Variants in MYO18B observed in about 807,000 individuals in gnomAD.
The protein encoded by MYO18B is unconventional myosin-XVIIIb.
Under a neutral mutation model 273.0 loss-of-function variants are expected in MYO18B, and 204 were observed. The ratio of observed to expected loss-of-function variants is 0.75; its 90% CI spans 0.67 to 0.84. The LOEUF (loss-of-function observed/expected upper bound fraction) is 0.84, where lower values mean the gene tolerates loss of function less well. Ranked by LOEUF, MYO18B falls within the 40% of genes least tolerant of loss-of-function variation. The pLI is 0.00. For missense variants in MYO18B, 3,212 were observed against 3,287.6 expected (o/e 0.98, Z 0.56); for synonymous variants, 1,330 against 1,305.7 (o/e 1.02, Z -0.40).
chr22:25,889,644 G>C (rs566468127), intron 25 of MYO18B, among the ~76,000 whole-genome samples: 1 of 150,064 alleles, frequency 6.7e-6, no homozygotes, highest in Non-Finnish European at 1.5e-5. Flanking sequence ...TTGTTTCTCT[G>C]CCTCTTAGCC....
At chr22:25,951,129 A>G (rs1175971553) in intron 37 of MYO18B, among the ~76,000 whole-genome samples, 4 of 152,148 alleles carry the variant, frequency 2.6e-5, no homozygotes, top group African/African-American at 9.7e-5. Flanking sequence ...TTAAGGGTGG[A>G]TCTGCCTTCC....
In MYO18B at chr22:25,770,175, T is replaced by C; in HGVS notation, c.1578T>C (p.Leu526=). ...TGGCTCAGAAGGATGGATTTACTCTTGGTAAGTAGGGGTGTTAGCACCTTT... is the reference window on the plus strand; with the variant it reads ...TGGCTCAGAAGGATGGATTTACTCTCGGTAAGTAGGGGTGTTAGCACCTTT... ...VWLAQKDGFT[L]ATVLKPDEGT... The change falls in exon 5 of 44, where the codon CTT becomes CTC. Residue 526 remains leucine (L), a splice_region_variant and synonymous_variant. Coordinates refer to ENST00000335473, the MANE Select transcript of MYO18B (RefSeq NM_032608.7). The C allele has an allele frequency of 6.2e-7, 1 of 1,613,936 alleles. No homozygotes were observed. Among genetic ancestry groups the C allele is most frequent in the Non-Finnish European group, 8.5e-7 (1 of 1,179,850 alleles).
At chr22:26,003,059 C>T (rs992568251) in intron 40 of MYO18B, among the ~76,000 whole-genome samples, 5 of 152,150 alleles carry the variant, frequency 3.3e-5, no homozygotes, top group African/African-American at 1.2e-4. Flanking sequence ...ATCTCACTTA[C>T]TCTGCTCCAC....
rs191576327 is a variant in MYO18B at position 25,847,024 on chromosome 22, G to T, written c.3553-406G>T. 3.1e-4 allele frequency among the ~76,000 whole-genome samples: 47 copies of T among 151,516 alleles called. No homozygotes were observed. The East Asian group carries it at 3.5e-3, about 11-fold the overall frequency. On this transcript the variant is annotated intron_variant, in intron 19 of 43. Transcript: ENST00000335473. ...GAACCTGGGAGGAGGAGGTTGCAGC[G>T]AGCTGAGATCGTGCCACTGCACTCC...
intron 21 of MYO18B, among the ~76,000 whole-genome samples, chr22:25,862,210 T>G (rs1261748690): frequency 6.6e-6 from 1 of 152,192 alleles, no homozygotes; most frequent in Admixed American, 6.5e-5. Context: ...CATCTGCAGA[T>G]TTTTGTATCC....
chr22:25,800,563 G>A (rs942279315), intron 12 of MYO18B, among the ~76,000 whole-genome samples: 1 of 152,234 alleles, frequency 6.6e-6, no homozygotes, highest in African/African-American at 2.4e-5. Flanking sequence ...GGTAGTATAA[G>A]GTGCATGAAG....
rs1279967674 is a variant in MYO18B, at chr22:25,843,878, C to T, written c.3352C>T (p.Leu1118=). The T allele has an allele frequency of 6.2e-7, 1 of 1,608,148 alleles. No homozygotes were observed. Among genetic ancestry groups the T allele is most frequent in the Admixed American group, 1.7e-5 (1 of 59,888 alleles). The change falls in exon 18 of 44, where the codon CTG becomes TTG. Residue 1118 remains leucine, a synonymous_variant. Coordinates refer to ENST00000335473, the MANE Select transcript of MYO18B (RefSeq NM_032608.7). ...NLSALDAPQV[L]HQSKREELRS... is the part of the protein sequence containing the mutation. ...CTCGGCCCTGGATGCACCCCAGGTCCTGCACCAGTCAAAAAGGTGAGTTGG... is the reference window on the plus strand; with the variant it reads ...CTCGGCCCTGGATGCACCCCAGGTCTTGCACCAGTCAAAAAGGTGAGTTGG...
At chr22:25,888,421 C>A (rs2091565261) in intron 25 of MYO18B, among the ~76,000 whole-genome samples, 1 of 152,120 alleles carries the variant, frequency 6.6e-6, no homozygotes. Flanking sequence ...ACCATCTCGG[C>A]TGGTTTATTT....
intron 42 of MYO18B, among the ~76,000 whole-genome samples, chr22:26,015,698 A>G (rs1000932698): frequency 3.3e-5 from 5 of 152,208 alleles, no homozygotes; most frequent in African/African-American, 1.2e-4. Flanking sequence ...ATAACTAGTG[A>G]GTACTAGACA....
chr22:26,003,411 T>A (rs1220695038), intron 41 of MYO18B, 102 bp downstream of exon 41: 2 of 1,005,126 alleles, frequency 2.0e-6, no homozygotes, highest in African/African-American at 3.2e-5. Flanking sequence ...TGGAGAATTA[T>A]CAGTGATGCC....
Position 25,763,350 on chromosome 22 carries a change from A to T in MYO18B, c.159A>T (p.Arg53Ser). Residue 53 changes from arginine (R) to serine (S), a missense_variant, in exon 3 of 44, where the codon AGA becomes AGT. By Grantham distance (110) the Arg-to-Ser change is moderately radical. Coordinates refer to ENST00000335473, the MANE Select transcript of MYO18B (RefSeq NM_032608.7). ...CTGAAAAAGAGGCCAAGGAAGCGAG[A>T]CAGAGGAAGCAGTTAGCTGTCGCCT... ...RGTEKEAKEA[R>S]QRKQLAVASP... 1 of 1,612,870 alleles carries T rather than the reference A, an allele frequency of 6.2e-7. No individual in the cohort carries two copies. The highest frequency in any genetic ancestry group is 8.5e-7 in the Non-Finnish European group (1 of 1,179,684).
intron 42 of MYO18B, among the ~76,000 whole-genome samples, chr22:26,008,049 C>T (rs772595615): frequency 3.3e-5 from 5 of 152,156 alleles, no homozygotes; most frequent in African/African-American, 4.8e-5. Context: ...TATATAATTA[C>T]ATGTAATGCT....
the MYO18B span, among the ~76,000 whole-genome samples, chr22:26,058,097 A>G: frequency 4.2e-3 from 636 of 152,354 alleles, 4 homozygotes; most frequent in African/African-American, 0.014. Flanking sequence ...AAGATGATGT[A>G]AAACAAGCAC....
chr22:25,742,747 G>T (rs2085664751), intron 1 of MYO18B, among the ~76,000 whole-genome samples: 1 of 152,204 alleles, frequency 6.6e-6, no homozygotes, highest in Non-Finnish European at 1.5e-5. Flanking sequence ...ACGCTGTTGA[G>T]TCGAAATGTT....
chr22:25,766,128 G>A (rs1405730640), intron 3 of MYO18B, among the ~76,000 whole-genome samples: 1 of 152,020 alleles, frequency 6.6e-6, no homozygotes, highest in Non-Finnish European at 1.5e-5. Flanking sequence ...GCCCTAGAGA[G>A]AAAAGGAAGG....
At chr22:25,964,895 A>C (rs967683802) in intron 39 of MYO18B, 1 of 152,246 alleles carries the variant, frequency 6.6e-6, no homozygotes, top group Non-Finnish European at 1.5e-5. Flanking sequence ...AAAGAGGCGG[A>C]AATTAGACTC....
Position 25,761,050 on chromosome 22 carries a change from T to G in MYO18B, c.-43T>G. On this transcript the variant is annotated 5_prime_UTR_variant, in exon 2 of 44. Transcript: ENST00000335473. ...CATTCCGTGCTGTCTGGCAGGAAGC[T>G]CCATCTCATCTCATCATCTCACGGC... 2.5e-6 allele frequency: 4 copies of G among 1,610,598 alleles called. No individual in the cohort carries two copies. The highest frequency in any genetic ancestry group is 3.4e-6 in the Non-Finnish European group (4 of 1,177,930).
chr22:25,944,620 C>A (rs111490532), intron 34 of MYO18B, among the ~76,000 whole-genome samples: 4 of 152,108 alleles, frequency 2.6e-5, no homozygotes, highest in Admixed American at 6.5e-5. Context: ...GAGGCCGAGG[C>A]GGGCAGATCA....
At chr22:26,033,659 C>T (rs1174105210), downstream of MYO18B, among the ~76,000 whole-genome samples, 1 of 152,166 alleles carries the variant, frequency 6.6e-6, no homozygotes, top group Admixed American at 6.5e-5. Context: ...TCAAATCCCC[C>T]AACCCAACAC....
Sources: gnomAD v4.1 joint callset for allele counts (sites outside exome capture counted in the v4.1 genomes callset) on GRCh38, gnomAD v4.1.1 for gene constraint, MANE v1.5 for transcripts, NCBI Gene and HGNC (gene_info 2026-07-23, HGNC 2026-07-21) for gene names.